HSP90AB1: variants seen among roughly 807,000 people sequenced by gnomAD.
HSP90AB1 encodes heat shock protein 90 alpha family class B member 1.
Under a neutral mutation model 67.8 loss-of-function variants are expected in HSP90AB1, and 17 were observed. The observed-to-expected ratio is 0.25, with a 90% CI of 0.17 to 0.38. The LOEUF (loss-of-function observed/expected upper bound fraction) is 0.38, where lower values mean the gene tolerates loss of function less well. HSP90AB1 is among the 10% of genes least tolerant of loss of function. The pLI is 1.00. For synonymous variants in HSP90AB1, 390 were observed against 312.9 expected (o/e 1.25, Z -2.60); for missense variants, 690 against 899.9 (o/e 0.77, Z 2.98).
In HSP90AB1 at chr6:44,250,906, C is replaced by T. The variant is rs879062784; in HGVS notation, c.958-142C>T. On this transcript the variant is annotated intron_variant, in intron 6 of 11. Coordinates refer to ENST00000371646, the MANE Select transcript of HSP90AB1 (RefSeq NM_007355.4). ...ATCTAGATCGTGGAGGGCATTAAGGCTCAGTTTTCTCAGGAGCTGCTTGTT... is the reference window on the plus strand; with the variant it reads ...ATCTAGATCGTGGAGGGCATTAAGGTTCAGTTTTCTCAGGAGCTGCTTGTT... The T allele has an allele frequency of 1.6e-4, 116 of 744,846 alleles. No homozygotes were observed. The South Asian group carries it at 1.9e-3, about 12-fold the overall frequency. 46.1% of individuals were successfully genotyped at this position (744,846 alleles called of 1,614,324 possible). A position where few individuals can be genotyped will look rare whatever the true frequency, so the allele number is the denominator to read the frequency against.
At chr6:44,246,733 T>C (rs1266824408), upstream of HSP90AB1, among the ~76,000 whole-genome samples, 1 of 152,160 alleles carries the variant, frequency 6.6e-6, no homozygotes, top group Non-Finnish European at 1.5e-5. Context: ...TCCGCTCTTT[T>C]TCGGTGTCCC....
At position 44,250,305 on chromosome 6, in the gene HSP90AB1, A is replaced by T; in HGVS notation, c.663A>T (p.Arg221=). 1 of 1,613,614 alleles carries T rather than the reference A, an allele frequency of 6.2e-7. No individual in the cohort carries two copies. The highest frequency in any genetic ancestry group is 8.5e-7 in the Non-Finnish European group (1 of 1,179,772). ...YPITLYLEKE[R]EKEISDDEAE... is the part of the protein sequence containing the mutation. Reference sequence around the variant, plus strand: ...TTGTTACTTAGTTGGAGAAGGAACGAGAGAAGGAAATTAGTGATGATGAGG... The same window carrying T: ...TTGTTACTTAGTTGGAGAAGGAACGTGAGAAGGAAATTAGTGATGATGAGG... The change falls in exon 6 of 12, where the codon CGA becomes CGT. Residue 221 remains arginine, a synonymous_variant. Coordinates refer to ENST00000371646, the MANE Select transcript of HSP90AB1 (RefSeq NM_007355.4).
Position 44,251,230 on chromosome 6 carries a change from C to G in HSP90AB1, c.1123+17C>G. 6.2e-7 allele frequency: 1 copy of G among 1,613,420 alleles called. No homozygotes were observed. Among genetic ancestry groups the G allele is most frequent in the Non-Finnish European group, 8.5e-7 (1 of 1,179,388 alleles). On this transcript the variant is annotated intron_variant, in intron 7 of 11. Coordinates refer to ENST00000371646, the MANE Select transcript of HSP90AB1 (RefSeq NM_007355.4). ...AGTATCTCAGTGAGTATCTCCTTGG[C>G]CTAATTTAGTTGGGTGAAGTCTTGG... is the stretch of plus-strand genomic sequence containing the variant.
intron 1 of HSP90AB1, chr6:44,247,789 T>G (rs1266344823): frequency 6.6e-6 from 1 of 152,224 alleles, no homozygotes; most frequent in African/African-American, 2.4e-5. Context: ...TCTGGAAGAT[T>G]CATGGGCTCC....
chr6:44,249,982 CTTTT>C (rs1561898770), intron 4 of HSP90AB1, 35 bp from the exon 5 acceptor site: 1 of 1,612,756 alleles, frequency 6.2e-7, no homozygotes. Flanking sequence ...ACTGCATATA[CTTTT>C]TACCCTGTTA....
intron 1 of HSP90AB1, 127 bp downstream of exon 1, chr6:44,247,322 T>A (rs1329757091): frequency 6.6e-6 from 1 of 152,046 alleles, no homozygotes; most frequent in Non-Finnish European, 1.5e-5. Flanking sequence ...CGCTCTGGAT[T>A]TTTATAGGGT....
rs770575048 is a variant in HSP90AB1, at chr6:44,250,527, C to T, written c.885C>T (p.Asp295=). 2.0e-5 allele frequency: 33 copies of T among 1,613,936 alleles called. No individual in the cohort carries two copies. The East Asian group carries it at 2.7e-4, about 13-fold the overall frequency. ...TKPIWTRNPD[D]ITQEEYGEFY... ...CTATTTGGACCAGAAACCCTGATGA[C>T]ATCACCCAAGAGGAGTATGGAGAAT... is the stretch of plus-strand genomic sequence containing the variant. The change falls in exon 6 of 12, where the codon GAC becomes GAT. Residue 295 remains aspartate (D), a synonymous_variant. Transcript: ENST00000371646.
At chr6:44,252,456 T>A (rs1041692044) in intron 10 of HSP90AB1, among the ~76,000 whole-genome samples, 189 bp downstream of exon 10, 1 of 152,194 alleles carries the variant, frequency 6.6e-6, no homozygotes, top group Non-Finnish European at 1.5e-5. Flanking sequence ...AGGCATTGCT[T>A]CAGTTAACTT....
In HSP90AB1 at chr6:44,253,248, C is replaced by T. The variant is rs766111101; in HGVS notation, c.1935C>T (p.Asp645=). The T allele has an allele frequency of 3.2e-5, 52 of 1,614,110 alleles. No individual in the cohort carries two copies. Among genetic ancestry groups the T allele is most frequent in the Non-Finnish European group, 4.2e-5 (50 of 1,180,050 alleles). The part of the protein sequence containing the change: ...VETLRQKAEA[D]KNDKAVKDLV... ...CGCTGCGGCAGAAGGCTGAGGCCGA[C>T]AAGAATGATAAGGCAGTTAAGGACC... The change falls in exon 11 of 12, where the codon GAC becomes GAT. Residue 645 remains aspartate, a synonymous_variant. Coordinates refer to ENST00000371646, the MANE Select transcript of HSP90AB1 (RefSeq NM_007355.4).
rs778973317 is a variant in HSP90AB1 at position 44,249,418 on chromosome 6, G to A, written c.189G>A (p.Ser63=). 13 of 1,613,878 alleles carry A rather than the reference G, an allele frequency of 8.1e-6. No individual in the cohort carries two copies. The highest frequency in any genetic ancestry group is 1.7e-5 in the Admixed American group (1 of 59,998). ...KIRYESLTDP[S]KLDSGKELKI... is the part of the protein sequence containing the mutation. ...GCTATGAGAGCCTGACAGACCCTTC[G>A]AAGTTGGACAGTGGTAAAGAGCTGA... The change falls in exon 3 of 12, where the codon TCG becomes TCA. Residue 63 remains serine (S), a synonymous_variant. Transcript: ENST00000371646.
intron 11 of HSP90AB1, 41 bp from the exon 12 acceptor site, chr6:44,253,448 T>C: frequency 1.2e-6 from 2 of 1,605,340 alleles, no homozygotes; most frequent in Non-Finnish European, 1.7e-6. Flanking sequence ...TTTGACTTAA[T>C]GCTATTTGGT....
chr6:44,251,833 G>A lies in HSP90AB1; in HGVS notation c.1411G>A (p.Glu471Lys). ...TGGAGATGAGATGACATCTCTGTCAGAGTATGTTTCTCGCATGAAGGAGAC... is the reference window on the plus strand; with the variant it reads ...TGGAGATGAGATGACATCTCTGTCAAAGTATGTTTCTCGCATGAAGGAGAC... ...QSGDEMTSLS[E>K]YVSRMKETQK... Residue 471 changes from glutamate (E) to lysine (K), a missense_variant, in exon 9 of 12, where the codon GAG becomes AAG. Glu to Lys is a moderately conservative substitution (Grantham distance 56). Transcript: ENST00000371646. The A allele has an allele frequency of 6.2e-7, 1 of 1,613,014 alleles. No individual in the cohort carries two copies. Among genetic ancestry groups the A allele is most frequent in the Non-Finnish European group, 8.5e-7 (1 of 1,180,034 alleles).
At chr6:44,247,724 C>T (rs911637537) in intron 1 of HSP90AB1, 3 of 152,354 alleles carry the variant, frequency 2.0e-5, no homozygotes, top group African/African-American at 4.8e-5. Flanking sequence ...GATACTCCCT[C>T]CTTCCAGATC....
At position 44,253,798 on chromosome 6, in the gene HSP90AB1, ATGT is replaced by A. The variant is rs745674957; in HGVS notation, c.*204_*206del. On this transcript the variant is annotated 3_prime_UTR_variant, in exon 12 of 12. Coordinates refer to ENST00000371646, the MANE Select transcript of HSP90AB1 (RefSeq NM_007355.4). Reference sequence around the variant, plus strand: ...TCTCTACTCTTGACAGCAGGATTGGATGTTGTGTATTGTGGTTTATTTTATTTT... The same window carrying A: ...TCTCTACTCTTGACAGCAGGATTGGATGTGTATTGTGGTTTATTTTATTTT... The A allele has an allele frequency of 6.5e-6, 5 of 773,570 alleles. No individual in the cohort carries two copies. Among genetic ancestry groups the A allele is most frequent in the South Asian group, 4.1e-5 (3 of 73,728 alleles). 47.9% of individuals were successfully genotyped at this position (773,570 alleles called of 1,614,324 possible). A position where few individuals can be genotyped will look rare whatever the true frequency, so the allele number is the denominator to read the frequency against.
At chr6:44,252,881 A>G (rs1357166605) in intron 10 of HSP90AB1, among the ~76,000 whole-genome samples, 164 bp from the exon 11 acceptor site, 1 of 150,742 alleles carries the variant, frequency 6.6e-6, no homozygotes, top group African/African-American at 2.4e-5. Context: ...GTGCTACCAC[A>G]CCCGGTTAAT....
Position 44,250,617 on chromosome 6 carries a change from A to G in HSP90AB1, c.957+18A>G, listed in dbSNP as rs1039646434. The G allele has an allele frequency of 7.1e-7, 1 of 1,408,766 alleles. No individual in the cohort carries two copies. Among genetic ancestry groups the G allele is most frequent in the Non-Finnish European group, 1.0e-6 (1 of 998,422 alleles). The allele number at this position is 1,408,766 out of a possible 1,614,324, so 87.3% of individuals were successfully genotyped here. On this transcript the variant is annotated intron_variant, in intron 6 of 11. Coordinates refer to ENST00000371646, the MANE Select transcript of HSP90AB1 (RefSeq NM_007355.4). ...CAGTCAAGGTGTGAGAAGCCTTTGC[A>G]TGTTGGCTCAACATGCACATATGGA... is the stretch of plus-strand genomic sequence containing the variant.
intron 1 of HSP90AB1, among the ~76,000 whole-genome samples, chr6:44,248,257 T>C (rs1780206375): frequency 6.6e-6 from 1 of 152,234 alleles, no homozygotes; most frequent in Admixed American, 6.5e-5. Context: ...GTAGTGATTT[T>C]CACATTTAAA....
At chr6:44,252,777 G>C (rs36093082) in intron 10 of HSP90AB1, among the ~76,000 whole-genome samples, 2,397 of 150,600 alleles carry the variant, frequency 0.016, 25 homozygotes, top group South Asian at 0.028. Context: ...ATTAACAGGC[G>C]CAAGCCACCA....
In HSP90AB1 at chr6:44,252,176, A is replaced by G. The variant is rs754953829; in HGVS notation, c.1640A>G (p.Glu547Gly). Residue 547 changes from glutamate to glycine, a missense_variant, in exon 10 of 12, where the codon GAG (glutamate) becomes GGG (glycine). Physicochemically the swap from Glu to Gly is moderately conservative, Grantham distance 98 (BLOSUM62 -2). This residue lies in a region of HSP90AB1 where 206 missense variants were observed against 221.4 expected (regional missense o/e 0.93). Coordinates refer to ENST00000371646, the MANE Select transcript of HSP90AB1 (RefSeq NM_007355.4). ...TKEGLELPED[E>G]EEKKKMEESK... ...GAGGGTCTGGAGCTGCCTGAGGATGAGGAGGAGAAGAAGAAGATGGAAGAG... is the reference window on the plus strand; with the variant it reads ...GAGGGTCTGGAGCTGCCTGAGGATGGGGAGGAGAAGAAGAAGATGGAAGAG... 6.2e-7 allele frequency: 1 copy of G among 1,614,160 alleles called. No homozygotes were observed.
Sources: allele counts gnomAD v4.1 joint callset (sites outside exome capture counted in the v4.1 genomes callset), GRCh38; gene constraint gnomAD v4.1.1; regional missense constraint gnomAD v4.1.1; transcripts MANE v1.5; gene names NCBI Gene and HGNC (gene_info 2026-07-23, HGNC 2026-07-21).